GRIA3: variants seen among roughly 807,000 people sequenced by gnomAD.
The protein encoded by GRIA3 is glutamate receptor 3.
GRIA3 carries 3 observed loss-of-function variants against 63.0 expected under a neutral mutation model. That is an observed-to-expected ratio of 0.05 (90% confidence interval 0.02 to 0.12). The LOEUF is 0.12. Among genes scored for constraint, GRIA3 ranks in the 10% least tolerant of loss-of-function variants. The probability of loss-of-function intolerance (pLI) is 1.00; values close to 1 mark genes in which losing one functional copy is unlikely to be tolerated. For synonymous variants in GRIA3, 274 were observed against 257.9 expected, an observed-to-expected ratio of 1.06 and a Z score of -0.60; for missense variants, 347 against 700.9, an observed-to-expected ratio of 0.50 and a Z score of 5.70.
At chrX:123,291,464 G>A (rs1392420351) in intron 3 of GRIA3, among the ~76,000 whole-genome samples, 2 of 110,795 alleles carry the variant, frequency 1.8e-5, no homozygotes, top group East Asian at 5.7e-4. Flanking sequence ...TGGGTGCTAT[G>A]CTCAGTACCT....
intron 3 of GRIA3, among the ~76,000 whole-genome samples, chrX:123,287,320 C>T (rs992688426): frequency 1.1e-4 from 12 of 111,824 alleles, no homozygotes; most frequent in Non-Finnish European, 1.9e-4. Context: ...ACAGAATGGG[C>T]AAAAGCTGGA....
chrX:123,353,020 TACACACAC>T (rs556926418), intron 4 of GRIA3, among the ~76,000 whole-genome samples: 10 of 87,780 alleles, frequency 1.1e-4, no homozygotes, highest in Admixed American at 3.9e-4. Context: ...CTCTCTCTCA[TACACACAC>T]ACACACACAC....
chrX:123,332,542 C>T (rs978166476), intron 4 of GRIA3, among the ~76,000 whole-genome samples: 1 of 111,271 alleles, frequency 9.0e-6, no homozygotes, highest in African/African-American at 3.3e-5. Context: ...GGGAAGTTGA[C>T]ACCAGGTACT....
At chrX:123,260,940 T>G (rs1374261650) in intron 3 of GRIA3, among the ~76,000 whole-genome samples, 1 of 111,609 alleles carries the variant, frequency 9.0e-6, no homozygotes. Flanking sequence ...AATAAAAGAC[T>G]GTACATTTGT....
At chrX:123,392,414 T>C (rs2045391841) in intron 5 of GRIA3, among the ~76,000 whole-genome samples, 2 of 111,375 alleles carry the variant, frequency 1.8e-5, no homozygotes, top group South Asian at 7.7e-4. Context: ...GGGGCTGGGC[T>C]CTCAAAATGG....
intron 3 of GRIA3, among the ~76,000 whole-genome samples, chrX:123,307,111 G>A (rs2044759751): frequency 9.0e-6 from 1 of 111,717 alleles, no homozygotes; most frequent in East Asian, 2.8e-4. Flanking sequence ...GAGACTGTCA[G>A]GCTCTAGGGA....
intron 10 of GRIA3, among the ~76,000 whole-genome samples, chrX:123,414,174 GGGATGTAATGT>G (rs1182956483): frequency 8.9e-6 from 1 of 111,855 alleles, no homozygotes; most frequent in Non-Finnish European, 1.9e-5. Context: ...GTGTTAGGGA[GGGATGTAATGT>G]GGTTAAGAAG....
intron 3 of GRIA3, among the ~76,000 whole-genome samples, chrX:123,289,692 T>C (rs924862398): frequency 7.3e-5 from 8 of 109,994 alleles, no homozygotes; most frequent in African/African-American, 2.6e-4. Flanking sequence ...TGCGTCTTCA[T>C]GTCCCTTGAG....
chrX:123,317,822 A>T (rs1211398174), intron 3 of GRIA3, among the ~76,000 whole-genome samples: 1 of 112,205 alleles, frequency 8.9e-6, no homozygotes, highest in Non-Finnish European at 1.9e-5. Context: ...TCACAGCTCC[A>T]TTAGGCAGTG....
chrX:123,275,748 T>C (rs1257545005), intron 3 of GRIA3, among the ~76,000 whole-genome samples: 4 of 112,110 alleles, frequency 3.6e-5, no homozygotes, highest in Admixed American at 1.9e-4. Context: ...CCTTGATCTG[T>C]TAAGTTGGCT....
chrX:123,374,485 T>C (rs2045271164), intron 5 of GRIA3, among the ~76,000 whole-genome samples: 1 of 112,113 alleles, frequency 8.9e-6, no homozygotes, highest in Admixed American at 9.5e-5. Context: ...TTCCTATCCA[T>C]GAGCATGGAA....
intron 5 of GRIA3, among the ~76,000 whole-genome samples, chrX:123,361,002 A>T (rs1046804664): frequency 1.6e-4 from 17 of 109,534 alleles, no homozygotes; most frequent in Non-Finnish European, 3.0e-4. Context: ...GTACTAGATG[A>T]CATCTAATTT....
intron 2 of GRIA3, among the ~76,000 whole-genome samples, chrX:123,242,303 TCA>T (rs1290239794): frequency 8.9e-6 from 1 of 111,984 alleles, no homozygotes; most frequent in Non-Finnish European, 1.9e-5. Flanking sequence ...GGCTGCAAAA[TCA>T]AAGAAAATGG....
At chrX:123,191,414 G>A (rs773981698) in intron 2 of GRIA3, among the ~76,000 whole-genome samples, 2 of 111,660 alleles carry the variant, frequency 1.8e-5, no homozygotes, top group Non-Finnish European at 3.8e-5. Flanking sequence ...AAACTGTCTG[G>A]GCTCCAGATA....
intron 2 of GRIA3, among the ~76,000 whole-genome samples, chrX:123,197,377 T>C (rs908481892): frequency 9.0e-6 from 1 of 110,887 alleles, no homozygotes; most frequent in African/African-American, 3.3e-5. Context: ...ATACAAAAAT[T>C]AGCCAGGTGT....
chrX:123,480,854 A>G (rs1369884427), intron 14 of GRIA3, among the ~76,000 whole-genome samples: 3 of 111,975 alleles, frequency 2.7e-5, no homozygotes, highest in Non-Finnish European at 5.6e-5. Flanking sequence ...CGTTAGGATA[A>G]CATCACATTG....
chrX:123,275,236 AC>A (rs1305766907), intron 3 of GRIA3, among the ~76,000 whole-genome samples: 1 of 112,035 alleles, frequency 8.9e-6, no homozygotes, highest in Admixed American at 9.5e-5. Context: ...TGTTCTATAT[AC>A]TTTGCATGAA....
At chrX:123,325,790 G>A in intron 3 of GRIA3, among the ~76,000 whole-genome samples, 1 of 111,720 alleles carries the variant, frequency 9.0e-6, no homozygotes, top group South Asian at 3.8e-4. Context: ...TCAGCTGTGA[G>A]CTCTCATGTA....
intron 11 of GRIA3, among the ~76,000 whole-genome samples, chrX:123,427,664 G>A (rs2045597260): frequency 9.0e-6 from 1 of 111,561 alleles, no homozygotes; most frequent in African/African-American, 3.3e-5. Flanking sequence ...GCAACATAGA[G>A]AGACCTGACC....
Sources: gnomAD v4.1 joint callset for allele counts (sites outside exome capture counted in the v4.1 genomes callset) on GRCh38, gnomAD v4.1.1 for gene constraint, MANE v1.5 for transcripts, NCBI Gene and HGNC (gene_info 2026-07-23, HGNC 2026-07-21) for gene names.